The following CRACD variants were observed in gnomAD, a reference collection of about 807,000 sequenced individuals.
CRACD encodes the protein capping protein inhibiting regulator of actin dynamics.
In CRACD, 56 loss-of-function variants were observed where a neutral mutation model predicts 106.8. The ratio of observed to expected loss-of-function variants is 0.52; its 90% CI spans 0.42 to 0.66. The LOEUF (loss-of-function observed/expected upper bound fraction) is 0.66. Among genes scored for constraint, CRACD ranks in the 30% least tolerant of loss-of-function variants. The pLI is 0.00. For missense variants in CRACD, 1,730 were observed against 1,623.2 expected (o/e 1.07, Z -1.13); for synonymous variants, 754 against 670.8 (o/e 1.12, Z -1.92).
chr4:56,329,919 C>T lies in CRACD; in HGVS notation c.*2115C>T, dbSNP rs951996542. 2.0e-5 allele frequency among the ~76,000 whole-genome samples: 3 copies of T among 152,052 alleles called. No homozygotes were observed. Among genetic ancestry groups the T allele is most frequent in the South Asian group, 2.1e-4 (1 of 4,822 alleles). On this transcript the variant is annotated 3_prime_UTR_variant, in exon 11 of 11. Coordinates refer to ENST00000682029, the MANE Select transcript of CRACD (RefSeq NM_001393381.1). The stretch of plus-strand genomic sequence containing the variant: ...TATCACTGTGCCCAAACAAAACAGG[C>T]GAAATACCTCAGTTAAAATTTTTCC...
chr4:56,127,425 T>C (rs1734695297), intron 1 of CRACD, among the ~76,000 whole-genome samples: 1 of 152,146 alleles, frequency 6.6e-6, no homozygotes, highest in African/African-American at 2.4e-5. Context: ...CATTTTTTCT[T>C]TTTTTAAGAA....
Position 56,323,452 on chromosome 4 carries a change from T to C in CRACD, c.3263T>C (p.Leu1088Pro), listed in dbSNP as rs1746233122. The change falls in exon 9 of 11, where the codon CTG becomes CCG. Residue 1088 changes from leucine to proline, a missense_variant. Leu to Pro is a moderately conservative substitution (Grantham distance 98, BLOSUM62 -3). Around this residue, in one of 5 missense-constraint regions of CRACD, gnomAD observed 1,620 missense variants for 1,481.6 expected, o/e 1.09. Transcript: ENST00000682029. ...GAGAAAGTGGAAACTGCTCAGCCGC[T>C]GTGGATAACGTTAGCACTGCAAAAG... ...LTEKVETAQP[L>P]WITLALQKQK... is the part of the protein sequence containing the mutation. The C allele has an allele frequency of 3.1e-6, 5 of 1,611,850 alleles. No homozygotes were observed. Among genetic ancestry groups the C allele is most frequent in the Non-Finnish European group, 4.2e-6 (5 of 1,179,352 alleles).
chr4:56,180,121 G>T (rs1392398613), intron 2 of CRACD, among the ~76,000 whole-genome samples: 1 of 152,148 alleles, frequency 6.6e-6, no homozygotes, highest in East Asian at 1.9e-4. Flanking sequence ...ATAGAGCTTG[G>T]TCCTGTGAGT....
chr4:56,217,988 G>C (rs1738800955), intron 2 of CRACD, among the ~76,000 whole-genome samples: 1 of 152,162 alleles, frequency 6.6e-6, no homozygotes, highest in Non-Finnish European at 1.5e-5. Context: ...GCTTCTGGTA[G>C]CCTTAGGTGT....
At chr4:56,108,574 C>T (rs1389386213) in intron 1 of CRACD, among the ~76,000 whole-genome samples, 1 of 152,048 alleles carries the variant, frequency 6.6e-6, no homozygotes. Context: ...CCCAAGGGAC[C>T]ACTACCACCA....
chr4:56,247,963 T>C (rs1740789146), intron 2 of CRACD, among the ~76,000 whole-genome samples: 1 of 151,954 alleles, frequency 6.6e-6, no homozygotes, highest in Admixed American at 6.6e-5. Context: ...ATAAATAACA[T>C]GGGAGAGTGA....
chr4:56,191,661 G>A (rs1737372915), intron 2 of CRACD, among the ~76,000 whole-genome samples: 1 of 152,238 alleles, frequency 6.6e-6, no homozygotes. Flanking sequence ...CCCAGGACAT[G>A]TGTTCTGCGG....
chr4:56,108,053 T>G (rs534058571), intron 1 of CRACD, among the ~76,000 whole-genome samples: 1 of 152,144 alleles, frequency 6.6e-6, no homozygotes, highest in East Asian at 1.9e-4. Context: ...AAAGAGCCCT[T>G]TTTGAAATGT....
intron 2 of CRACD, among the ~76,000 whole-genome samples, chr4:56,242,255 A>T (rs548134880): frequency 2.6e-5 from 4 of 152,206 alleles, no homozygotes; most frequent in Non-Finnish European, 5.9e-5. Context: ...CTTTGTGGAG[A>T]TCATGAGTAT....
At chr4:56,303,506 C>G (rs1015808886) in intron 4 of CRACD, among the ~76,000 whole-genome samples, 3 of 152,154 alleles carry the variant, frequency 2.0e-5, no homozygotes, top group Non-Finnish European at 4.4e-5. Flanking sequence ...ATGACAATGC[C>G]TGAGTAGTGG....
intron 8 of CRACD, among the ~76,000 whole-genome samples, chr4:56,317,042 A>G (rs1577910215): frequency 6.6e-6 from 1 of 152,222 alleles, no homozygotes; most frequent in African/African-American, 2.4e-5. Context: ...TTGCCATGAC[A>G]TTCCAGAGAT....
intron 1 of CRACD, among the ~76,000 whole-genome samples, chr4:56,140,077 C>G (rs1179487346): frequency 6.6e-6 from 1 of 152,190 alleles, no homozygotes; most frequent in African/African-American, 2.4e-5. Flanking sequence ...GTGTAGTCAT[C>G]AGAGGACACA....
chr4:56,129,496 T>A (rs939212137), intron 1 of CRACD, among the ~76,000 whole-genome samples: 6 of 152,204 alleles, frequency 3.9e-5, no homozygotes, highest in African/African-American at 1.4e-4. Flanking sequence ...TTGCAATGAC[T>A]TTACAGATTC....
rs1232810713 is a variant in CRACD at position 56,278,717 on chromosome 4, G to A, written c.-17+6225G>A. 3.3e-5 allele frequency among the ~76,000 whole-genome samples: 5 copies of A among 151,956 alleles called. No homozygotes were observed. The East Asian group carries it at 5.8e-4, about 18-fold the overall frequency. ...AAAGTTATAAAACAATCCACAGAAT[G>A]GATGGAAATATTTGTAAGTCATATT... On this transcript the variant is annotated intron_variant, in intron 3 of 10. Coordinates refer to ENST00000682029, the MANE Select transcript of CRACD (RefSeq NM_001393381.1).
chr4:56,277,595 G>A (rs1187973975), intron 3 of CRACD, among the ~76,000 whole-genome samples: 1 of 152,022 alleles, frequency 6.6e-6, no homozygotes, highest in Non-Finnish European at 1.5e-5. Context: ...ACAAAACAAG[G>A]GTTTCTTATC....
In CRACD at chr4:56,060,250, G is replaced by A. The variant is rs1214767334; in HGVS notation, c.-336+10951G>A. 3.3e-5 allele frequency among the ~76,000 whole-genome samples: 5 copies of A among 152,074 alleles called. No homozygotes were observed. The East Asian group carries it at 9.7e-4, about 29-fold the overall frequency. ...CTCCCTACTCCAGCTGTTCATGCCA[G>A]TTACTGTGGAGTTTCTAGAGAATGT... On this transcript the variant is annotated intron_variant, in intron 1 of 10. Coordinates refer to ENST00000682029, the MANE Select transcript of CRACD (RefSeq NM_001393381.1).
intron 2 of CRACD, among the ~76,000 whole-genome samples, chr4:56,270,390 C>T (rs1436745452): frequency 6.6e-6 from 1 of 152,012 alleles, no homozygotes; most frequent in African/African-American, 2.4e-5. Flanking sequence ...TCAGTAAGGC[C>T]AGAATTGAAG....
At chr4:56,070,847 C>CTGTGTGTGTGTGTG (rs60372588) in intron 1 of CRACD, among the ~76,000 whole-genome samples, 11,739 of 120,270 alleles carry the variant, frequency 0.098, 1,032 homozygotes, top group Non-Finnish European at 0.11. Flanking sequence ...AGGGGCTATG[C>CTGTGTGTGTGTGTG]TGTGTGTGTG....
At chr4:56,241,395 C>G (rs1053919681) in intron 2 of CRACD, among the ~76,000 whole-genome samples, 1 of 151,968 alleles carries the variant, frequency 6.6e-6, no homozygotes, top group Non-Finnish European at 1.5e-5. Context: ...TATGCTTGCT[C>G]AATTAATAAA....
Sources: allele counts gnomAD v4.1 joint callset (sites outside exome capture counted in the v4.1 genomes callset), GRCh38; gene constraint gnomAD v4.1.1; regional missense constraint gnomAD v4.1.1; transcripts MANE v1.5; gene names NCBI Gene and HGNC (gene_info 2026-07-23, HGNC 2026-07-21).